The following CNTN4 variants were observed in gnomAD, a reference collection of about 807,000 sequenced individuals.
CNTN4 encodes contactin 4.
A neutral mutation model predicts 122.5 loss-of-function variants in CNTN4; 77 were observed. That is an observed-to-expected ratio of 0.63 (90% CI 0.52 to 0.76). The LOEUF (loss-of-function observed/expected upper bound fraction) is 0.76. Among genes scored for constraint, CNTN4 ranks in the 30% least tolerant of loss-of-function variants. The pLI is 0.00. For missense variants in CNTN4, 1,256 were observed against 1,259.1 expected (o/e 1.00, Z 0.04); for synonymous variants, 512 against 447.0 (o/e 1.15, Z -1.83).
At chr3:3,040,379 A>G (rs750929828) in intron 20 of CNTN4, 108 bp downstream of exon 20, 3 of 841,682 alleles carry the variant, frequency 3.6e-6, no homozygotes, top group African/African-American at 3.3e-5. Flanking sequence ...TCTTGAAGGC[A>G]TACCTGATTT....
At chr3:3,036,180 A>G (rs1373826857) in intron 17 of CNTN4, among the ~76,000 whole-genome samples, 4 of 152,230 alleles carry the variant, frequency 2.6e-5, no homozygotes, top group Non-Finnish European at 5.9e-5. Flanking sequence ...CAGCAAAAGT[A>G]GGCTATATGG....
intron 2 of CNTN4, among the ~76,000 whole-genome samples, chr3:2,257,079 A>T (rs1453066226): frequency 6.6e-6 from 1 of 152,228 alleles, no homozygotes; most frequent in Non-Finnish European, 1.5e-5. Flanking sequence ...TGGTATTGGT[A>T]CCAGAACAGA....
At chr3:2,293,417 A>G (rs1447659540) in intron 2 of CNTN4, among the ~76,000 whole-genome samples, 3 of 152,218 alleles carry the variant, frequency 2.0e-5, no homozygotes, top group African/African-American at 7.2e-5. Flanking sequence ...TGTTAGTATT[A>G]TTGAGAGGCA....
intron 3 of CNTN4, among the ~76,000 whole-genome samples, chr3:2,482,196 T>C (rs952221371): frequency 1.3e-5 from 2 of 152,094 alleles, no homozygotes; most frequent in Admixed American, 1.3e-4. Context: ...TGAAGTCCAG[T>C]CTGAGGTCAT....
At chr3:2,680,740 C>T (rs1042951826) in intron 4 of CNTN4, among the ~76,000 whole-genome samples, 5 of 152,118 alleles carry the variant, frequency 3.3e-5, no homozygotes, top group Non-Finnish European at 7.4e-5. Flanking sequence ...GCTTGGATTG[C>T]AGTGTATATA....
intron 14 of CNTN4, among the ~76,000 whole-genome samples, chr3:3,016,940 C>T (rs1205141923): frequency 6.6e-6 from 1 of 152,142 alleles, no homozygotes; most frequent in Non-Finnish European, 1.5e-5. Flanking sequence ...CAAAATTTGC[C>T]TTGTGTTTTC....
intron 3 of CNTN4, among the ~76,000 whole-genome samples, chr3:2,423,941 A>G (rs2151131487): frequency 5.7e-3 from 1 of 176 alleles, no homozygotes; most frequent in Non-Finnish European, 0.011. Flanking sequence ...TGTGGGGTGG[A>G]GGGAGGGGGT....
intron 4 of CNTN4, among the ~76,000 whole-genome samples, chr3:2,713,278 C>T (rs1166313051): frequency 2.0e-5 from 3 of 152,196 alleles, no homozygotes; most frequent in Admixed American, 1.3e-4. Context: ...AAACCCCCTC[C>T]CACGCACACA....
At chr3:2,258,445 CA>C (rs568533574) in intron 2 of CNTN4, among the ~76,000 whole-genome samples, 302 of 152,148 alleles carry the variant, frequency 2.0e-3, no homozygotes, top group Non-Finnish European at 2.3e-3. Context: ...TCTCAATATA[CA>C]TTTAGGAAAT....
At chr3:2,576,289 A>G (rs1168727294) in intron 4 of CNTN4, among the ~76,000 whole-genome samples, 1 of 152,190 alleles carries the variant, frequency 6.6e-6, no homozygotes, top group African/African-American at 2.4e-5. Context: ...AAATGAATGA[A>G]TGCTGCAGCC....
intron 14 of CNTN4, among the ~76,000 whole-genome samples, chr3:3,019,485 G>A (rs1466722403): frequency 1.3e-5 from 2 of 151,778 alleles, no homozygotes; most frequent in East Asian, 1.9e-4. Flanking sequence ...AGTAAAGGCA[G>A]GATTTGACCA....
intron 3 of CNTN4, among the ~76,000 whole-genome samples, chr3:2,340,918 C>G (rs1472801646): frequency 6.6e-6 from 1 of 151,684 alleles, no homozygotes; most frequent in African/African-American, 2.4e-5. Context: ...GTCTTCTGAT[C>G]TGGAACAGAC....
chr3:2,575,697 T>C (rs1178639426), intron 4 of CNTN4, among the ~76,000 whole-genome samples: 1 of 152,166 alleles, frequency 6.6e-6, no homozygotes, highest in Non-Finnish European at 1.5e-5. Flanking sequence ...GTAAATACAT[T>C]AAAATGGCAA....
At chr3:2,827,872 A>G (rs914588791) in intron 7 of CNTN4, among the ~76,000 whole-genome samples, 3 of 152,234 alleles carry the variant, frequency 2.0e-5, no homozygotes, top group Admixed American at 6.5e-5. Flanking sequence ...TTTTTAATAG[A>G]CTGAAGAATG....
intron 2 of CNTN4, among the ~76,000 whole-genome samples, chr3:2,300,887 A>T (rs1052863786): frequency 9.9e-5 from 15 of 152,014 alleles, no homozygotes; most frequent in African/African-American, 3.6e-4. Context: ...TTTATTTTTA[A>T]TAAAATCTTT....
In CNTN4 at chr3:3,053,528, C is replaced by G. The variant is rs1701478646; in HGVS notation, c.2812-279C>G. Among the ~76,000 whole-genome samples, 3 of 152,208 alleles carry G rather than the reference C, an allele frequency of 2.0e-5. No individual in the cohort carries two copies. The East Asian group carries it at 5.8e-4, about 29-fold the overall frequency. ...AGGAGCTACTCATATTTTCCACTTT[C>G]CCAAGAGTGTCAACTGAGCCTCCGA... On this transcript the variant is annotated intron_variant, in intron 23 of 24. Transcript: ENST00000418658.
In CNTN4 at chr3:2,780,797, C is replaced by T. The variant is rs879335668; in HGVS notation, c.358+35100C>T. On this transcript the variant is annotated intron_variant, in intron 6 of 24. Coordinates refer to ENST00000418658, the MANE Select transcript of CNTN4 (RefSeq NM_175607.3). ...TATCTATAATAATACATTTTCATTT[C>T]CTGAGAGGTAAAGTTGTGATGCTGT... Among the ~76,000 whole-genome samples the T allele has an allele frequency of 5.3e-5, 8 of 152,226 alleles. No homozygotes were observed. The South Asian group carries it at 1.0e-3, about 20-fold the overall frequency.
intron 10 of CNTN4, among the ~76,000 whole-genome samples, chr3:2,891,698 A>G (rs970967743): frequency 6.6e-6 from 1 of 152,160 alleles, no homozygotes; most frequent in African/African-American, 2.4e-5. Flanking sequence ...TGTTAACTAA[A>G]TCATAGTGAG....
intron 13 of CNTN4, among the ~76,000 whole-genome samples, chr3:2,980,749 T>C (rs1477672737): frequency 2.0e-5 from 3 of 152,168 alleles, no homozygotes. Flanking sequence ...AACATTCAAA[T>C]GGGACTTCCG....
Sources: allele counts gnomAD v4.1 joint callset (sites outside exome capture counted in the v4.1 genomes callset), GRCh38; gene constraint gnomAD v4.1.1; transcripts MANE v1.5; gene names NCBI Gene and HGNC (gene_info 2026-07-23, HGNC 2026-07-21).